Variants in ATP9B observed in about 807,000 individuals in gnomAD.
ATP9B encodes the protein ATPase phospholipid transporting 9B, also known as probable phospholipid-transporting ATPase IIB.
In ATP9B, 110 loss-of-function variants were observed where a neutral mutation model predicts 146.1. The ratio of observed to expected loss-of-function variants is 0.75; its 90% CI spans 0.65 to 0.88. The LOEUF is 0.88. Among genes scored for constraint, ATP9B ranks in the 40% least tolerant of loss-of-function variants. The probability of loss-of-function intolerance (pLI) is 0.00; values close to 1 mark genes in which losing one functional copy is unlikely to be tolerated. For synonymous variants in ATP9B, 604 were observed against 569.7 expected, an observed-to-expected ratio of 1.06 and a Z score of -0.86; for missense variants, 1,499 against 1,496.4, an observed-to-expected ratio of 1.00 and a Z score of -0.03.
Position 79,239,634 on chromosome 18 carries a change from T to C in ATP9B, c.1108-13747T>C, listed in dbSNP as rs2095871252. On this transcript the variant is annotated intron_variant, in intron 11 of 29. Transcript: ENST00000426216. The surrounding 1 kb of genome is among the most constrained non-coding windows in gnomAD (Gnocchi z 5.1). ...TGGAAGAAAAATCAGCTTCCCTGCA[T>C]GCATCATTGTGCAAGAGGTAGCTGA... 6.6e-6 allele frequency among the ~76,000 whole-genome samples: 1 copy of C among 152,166 alleles called. No individual in the cohort carries two copies. The highest frequency in any genetic ancestry group is 2.4e-5 in the African/African-American group (1 of 41,454).
At position 79,286,580 on chromosome 18, in the gene ATP9B, T is replaced by G. The variant is rs560089662; in HGVS notation, c.1411+9384T>G. Reference sequence around the variant, plus strand: ...CATCTGCAAACAGGGACAGTTTGACTTCCTCTTTCCCTAATTGAATACCCT... The same window carrying G: ...CATCTGCAAACAGGGACAGTTTGACGTCCTCTTTCCCTAATTGAATACCCT... On this transcript the variant is annotated intron_variant, in intron 13 of 29. Coordinates refer to ENST00000426216, the MANE Select transcript of ATP9B (RefSeq NM_198531.5). Among the ~76,000 whole-genome samples the G allele has an allele frequency of 7.2e-5, 11 of 152,252 alleles. No homozygotes were observed. In the East Asian group the frequency reaches 1.7e-3, roughly 24 times the overall value.
At chr18:79,075,149 T>A (rs1224297089) in intron 1 of ATP9B, among the ~76,000 whole-genome samples, 1 of 151,716 alleles carries the variant, frequency 6.6e-6, no homozygotes, top group Non-Finnish European at 1.5e-5. Flanking sequence ...CAGTCTTGGC[T>A]CACTGCAAGC....
chr18:79,318,870 A>G (rs555454079), intron 15 of ATP9B, among the ~76,000 whole-genome samples: 1 of 152,356 alleles, frequency 6.6e-6, no homozygotes, highest in East Asian at 1.9e-4. Flanking sequence ...GCATGACTTC[A>G]GGTCCCACTG....
chr18:79,342,311 T>C lies in ATP9B; in HGVS notation c.2327T>C (p.Ile776Thr). The change falls in exon 20 of 30, where the codon ATT (isoleucine) becomes ACT (threonine). Residue 776 changes from isoleucine (I) to threonine (T), a missense_variant. Transcript: ENST00000426216. ...TGDKLETATC[I>T]AKSSHLVSRT... ...GATAAACTCGAGACAGCTACCTGCA[T>C]TGCCAAAAGTTCACATCTCGTGTCT... 1 of 1,613,854 alleles carries C rather than the reference T, an allele frequency of 6.2e-7. No individual in the cohort carries two copies. Among genetic ancestry groups the C allele is most frequent in the South Asian group, 1.1e-5 (1 of 91,064 alleles).
chr18:79,173,136 T>C (rs887089317), intron 7 of ATP9B, among the ~76,000 whole-genome samples: 3 of 152,356 alleles, frequency 2.0e-5, no homozygotes, highest in Admixed American at 6.5e-5. Flanking sequence ...CTCAGGACTC[T>C]AGTAAAGTGT....
At chr18:79,120,423 CAA>C (rs762800786) in intron 4 of ATP9B, among the ~76,000 whole-genome samples, 9 of 152,246 alleles carry the variant, frequency 5.9e-5, no homozygotes, top group Middle Eastern at 6.8e-3. Flanking sequence ...TTTTTGAAAA[CAA>C]TGATAGCTTA....
intron 7 of ATP9B, among the ~76,000 whole-genome samples, chr18:79,170,315 T>C (rs1170526346): frequency 1.3e-5 from 2 of 152,164 alleles, no homozygotes; most frequent in Non-Finnish European, 1.5e-5. Flanking sequence ...GATGGGGAAC[T>C]CTCCTAGAAT....
chr18:79,227,245 C>A (rs967401796), intron 11 of ATP9B, among the ~76,000 whole-genome samples: 3 of 152,038 alleles, frequency 2.0e-5, no homozygotes, highest in Non-Finnish European at 4.4e-5. Flanking sequence ...TTGCTCCAGC[C>A]CTGGGCTTGG....
chr18:79,233,950 A>T (rs560091718), intron 11 of ATP9B, among the ~76,000 whole-genome samples: 1 of 152,368 alleles, frequency 6.6e-6, no homozygotes, highest in Non-Finnish European at 1.5e-5. Context: ...GGACGTGATC[A>T]TCATAAAGGT....
chr18:79,087,858 C>G (rs1211113577), intron 1 of ATP9B, among the ~76,000 whole-genome samples: 1 of 152,132 alleles, frequency 6.6e-6, no homozygotes, highest in Non-Finnish European at 1.5e-5. Flanking sequence ...TGGTATCATC[C>G]ATTCTGTCAT....
chr18:79,104,863 C>T (rs1383526180), intron 2 of ATP9B, among the ~76,000 whole-genome samples: 1 of 152,078 alleles, frequency 6.6e-6, no homozygotes, highest in Non-Finnish European at 1.5e-5. Context: ...TTCACCACAG[C>T]CTCCCAAGTA....
At chr18:79,100,930 A>G (rs530748523) in intron 2 of ATP9B, among the ~76,000 whole-genome samples, 4 of 152,316 alleles carry the variant, frequency 2.6e-5, no homozygotes, top group African/African-American at 4.8e-5. Context: ...TCCCACCCCC[A>G]TAACTCAATC....
At chr18:79,116,644 CCAT>C (rs2094077802) in intron 4 of ATP9B, among the ~76,000 whole-genome samples, 1 of 20,728 alleles carries the variant, frequency 4.8e-5, no homozygotes, top group East Asian at 9.2e-4. Context: ...AAATTGGAAA[CCAT>C]CATTCTCAGT....
intron 13 of ATP9B, among the ~76,000 whole-genome samples, chr18:79,300,832 C>A (rs756684302): frequency 6.6e-6 from 1 of 152,212 alleles, no homozygotes; most frequent in Admixed American, 6.5e-5. Context: ...TTATAATATT[C>A]TTTTAACTTT....
intron 25 of ATP9B, among the ~76,000 whole-genome samples, chr18:79,357,531 G>T (rs2096962000): frequency 8.7e-5 from 1 of 11,544 alleles, no homozygotes; most frequent in Non-Finnish European, 1.7e-4. Context: ...CCCTGGGTCT[G>T]GAGGTGTCTG....
intron 12 of ATP9B, among the ~76,000 whole-genome samples, chr18:79,256,499 TTA>T (rs1369771579): frequency 6.6e-6 from 1 of 151,326 alleles, no homozygotes; most frequent in Non-Finnish European, 1.5e-5. Flanking sequence ...ACTTCTATAT[TTA>T]TTTTTCTTTC....
At chr18:79,083,627 C>G (rs2073496323) in intron 1 of ATP9B, among the ~76,000 whole-genome samples, 1 of 152,094 alleles carries the variant, frequency 6.6e-6, no homozygotes. Context: ...CCTCACAGCA[C>G]AGTCCCTCAG....
At chr18:79,300,631 A>T (rs2361476) in intron 13 of ATP9B, among the ~76,000 whole-genome samples, 142,399 of 152,288 alleles carry the variant, frequency 0.94, 66,676 homozygotes, top group East Asian at 1. Context: ...CACATCCCAG[A>T]GGGAGCTCTG....
chr18:79,209,024 T>A (rs912442641), intron 10 of ATP9B, among the ~76,000 whole-genome samples: 2 of 152,190 alleles, frequency 1.3e-5, no homozygotes. Context: ...CTGAGAGGCA[T>A]GAGTGTTGCC....
Sources: allele counts gnomAD v4.1 joint callset (sites outside exome capture counted in the v4.1 genomes callset), GRCh38; gene constraint gnomAD v4.1.1; non-coding constraint Gnocchi (gnomAD v3.1); transcripts MANE v1.5; gene names NCBI Gene and HGNC (gene_info 2026-07-23, HGNC 2026-07-21).